SGSM2: variants seen among roughly 807,000 people sequenced by gnomAD.
The protein encoded by SGSM2 is RUN and TBC1 domain containing 1.
SGSM2 carries 89 observed loss-of-function variants against 126.6 expected under a neutral mutation model. That is an observed-to-expected ratio of 0.70 (90% CI 0.59 to 0.84). The LOEUF (loss-of-function observed/expected upper bound fraction) is 0.84, where lower values mean the gene tolerates loss of function less well. SGSM2 is among the 40% of genes least tolerant of loss of function. The probability of loss-of-function intolerance (pLI) is 0.00; values close to 1 mark genes in which losing one functional copy is unlikely to be tolerated. For missense variants in SGSM2, 1,404 were observed against 1,416.6 expected (o/e 0.99, Z 0.14); for synonymous variants, 614 against 574.3 (o/e 1.07, Z -0.99).
At position 2,372,986 on chromosome 17, in the gene SGSM2, T is replaced by C; in HGVS notation, c.1822T>C (p.Tyr608His). Residue 608 changes from tyrosine to histidine, a missense_variant, in exon 16 of 24, where the codon TAC becomes CAC. Coordinates refer to ENST00000268989, the MANE Select transcript of SGSM2 (RefSeq NM_014853.3). This position sits in a 1 kb window ranked among gnomAD's most constrained non-coding sequence, Gnocchi z 6.0. ...YKELELLRQV[Y>H]YGGIEHEIRK... ...AGAGCTGGAGCTGCTGCGGCAAGTT[T>C]ACTACGGAGGCATAGAGCACGAGAT... 6.3e-7 allele frequency: 1 copy of C among 1,582,998 alleles called. No homozygotes were observed. The highest frequency in any genetic ancestry group is 8.6e-7 in the Non-Finnish European group (1 of 1,164,094).
chr17:2,367,200 TAAG>T lies in SGSM2; in HGVS notation c.1289-70_1289-68del, dbSNP rs1192538114. On this transcript the variant is annotated intron_variant, in intron 11 of 23. Transcript: ENST00000268989. The surrounding 1 kb of genome is among the most constrained non-coding windows in gnomAD (Gnocchi z 4.0). ...ACCCCGGCCTCCATTCCACTCCCCT[TAAG>T]GAGGGAGTCCGTCCTGCCCAGGGAT... 2.0e-6 allele frequency: 3 copies of T among 1,510,798 alleles called. No individual in the cohort carries two copies. Among genetic ancestry groups the T allele is most frequent in the Admixed American group, 1.9e-5 (1 of 51,902 alleles). 93.6% of individuals were successfully genotyped at this position (1,510,798 alleles called of 1,614,324 possible).
Position 2,372,052 on chromosome 17 carries a change from C to A in SGSM2, c.1578-138C>A. On this transcript the variant is annotated intron_variant, in intron 13 of 23. Transcript: ENST00000268989. This position sits in a 1 kb window ranked among gnomAD's most constrained non-coding sequence, Gnocchi z 6.0. Reference sequence around the variant, plus strand: ...GCAGGGACAGGGCACCCACTGACGGCTGCTGGGCTGCGGCTCCTCCTCCTC... The same window carrying A: ...GCAGGGACAGGGCACCCACTGACGGATGCTGGGCTGCGGCTCCTCCTCCTC... 1 of 1,012,474 alleles carries A rather than the reference C, an allele frequency of 9.9e-7. No individual in the cohort carries two copies. The highest frequency in any genetic ancestry group is 1.5e-6 in the Non-Finnish European group (1 of 672,740). The allele number at this position is 1,012,474 out of a possible 1,614,324, so 62.7% of individuals were successfully genotyped here.
At chr17:2,349,788 G>GATT (rs138851417) in intron 2 of SGSM2, among the ~76,000 whole-genome samples, 9 of 147,566 alleles carry the variant, frequency 6.1e-5, no homozygotes, top group Non-Finnish European at 7.5e-5. Context: ...CTAGTGAAAT[G>GATT]TTTTGTTTTT....
At chr17:2,371,850 G>GGT (rs1363471558) in intron 13 of SGSM2, 1 of 399,522 alleles carries the variant, frequency 2.5e-6, no homozygotes, top group African/African-American at 2.1e-5. Context: ...TTTTATGGGA[G>GGT]GTGTTCTCTT....
intron 2 of SGSM2, among the ~76,000 whole-genome samples, chr17:2,353,868 C>T (rs2064978953): frequency 6.6e-6 from 1 of 151,976 alleles, no homozygotes; most frequent in African/African-American, 2.4e-5. Flanking sequence ...ACTTTTGTTT[C>T]TCATGCATCC....
At chr17:2,353,534 G>A (rs67887169) in intron 2 of SGSM2, among the ~76,000 whole-genome samples, 68,074 of 151,972 alleles carry the variant, frequency 0.45, 15,514 homozygotes, top group East Asian at 0.64. Flanking sequence ...AGGCTGAGAC[G>A]GGCAGATTGC....
At chr17:2,376,288 G>A (rs2066147034) in intron 19 of SGSM2, 27 bp downstream of exon 19, 1 of 1,602,078 alleles carries the variant, frequency 6.2e-7, no homozygotes, top group African/African-American at 1.4e-5. Context: ...GGCTCAGGGT[G>A]GGAGGCGGGA....
intron 18 of SGSM2, 123 bp from the exon 19 acceptor site, chr17:2,376,014 T>TCC: frequency 1.3e-6 from 2 of 1,525,050 alleles, no homozygotes; most frequent in Admixed American, 3.8e-5. Flanking sequence ...TTTCTCAGCA[T>TCC]CCCCACAGGA....
At chr17:2,376,377 CT>C in intron 19 of SGSM2, 116 bp downstream of exon 19, 1 of 1,379,702 alleles carries the variant, frequency 7.2e-7, no homozygotes, top group Admixed American at 2.1e-5. Context: ...TCACACTTGG[CT>C]CCCCCTGCCT....
At chr17:2,347,607 G>A (rs910626309) in intron 2 of SGSM2, among the ~76,000 whole-genome samples, 5 of 149,454 alleles carry the variant, frequency 3.3e-5, no homozygotes, top group Non-Finnish European at 5.9e-5. Context: ...ATCTCCTGTC[G>A]CCCCCTCCCC....
In SGSM2 at chr17:2,380,948, C is replaced by T. The variant is rs542770580; in HGVS notation, c.*1428C>T. On this transcript the variant is annotated 3_prime_UTR_variant, in exon 24 of 24. Coordinates refer to ENST00000268989, the MANE Select transcript of SGSM2 (RefSeq NM_014853.3). ...ACCAAGCACGTGTGGCCATTGTGTG[C>T]CTGCCTTAGTGACTCCGTGGTTTTG... is the stretch of plus-strand genomic sequence containing the variant. The T allele has an allele frequency of 6.4e-6, 1 of 155,206 alleles. No homozygotes were observed. The highest frequency in any genetic ancestry group is 1.4e-5 in the Non-Finnish European group (1 of 70,130). 9.6% of individuals were successfully genotyped at this position (155,206 alleles called of 1,614,324 possible). A position where few individuals can be genotyped will look rare whatever the true frequency, so the allele number is the denominator to read the frequency against.
chr17:2,344,862 T>G (rs2151482579), intron 2 of SGSM2, among the ~76,000 whole-genome samples: 1 of 152,308 alleles, frequency 6.6e-6, no homozygotes, highest in Non-Finnish European at 1.5e-5. Flanking sequence ...AACAGACTGA[T>G]GATTCCCACC....
chr17:2,369,202 G>A (rs2065742294), intron 12 of SGSM2, among the ~76,000 whole-genome samples: 1 of 152,210 alleles, frequency 6.6e-6, no homozygotes, highest in African/African-American at 2.4e-5. Context: ...ACACTGTTGA[G>A]TCCGTTCTGC....
rs139683790 is a variant in SGSM2 at position 2,367,320 on chromosome 17, C to T, written c.1338C>T (p.Asp446=). 50 of 1,614,138 alleles carry T rather than the reference C, an allele frequency of 3.1e-5. No homozygotes were observed. The African/African-American group carries it at 3.3e-4, about 11-fold the overall frequency. Residue 446 remains aspartate, a synonymous_variant, in exon 12 of 24, where the codon GAC becomes GAT. Coordinates refer to ENST00000268989, the MANE Select transcript of SGSM2 (RefSeq NM_014853.3). This position sits in a 1 kb window ranked among gnomAD's most constrained non-coding sequence, Gnocchi z 4.0. ...HLAASRAASV[D]DDEEEEDKLH... is the part of the protein sequence containing the mutation. Reference sequence around the variant, plus strand: ...CGGCCAGCCGCGCGGCCTCGGTGGACGATGATGAGGAAGAGGAGGATAAAC... The same window carrying T: ...CGGCCAGCCGCGCGGCCTCGGTGGATGATGATGAGGAAGAGGAGGATAAAC...
rs572454642 is a variant in SGSM2 at position 2,380,306 on chromosome 17, C to T, written c.*786C>T. ...CACGTGTAAGAAGTGATGCTTTTGC[C>T]AGTGGATGATCTGGAATGCGACCGG... On this transcript the variant is annotated 3_prime_UTR_variant, in exon 24 of 24. Transcript: ENST00000268989. 1 of 1,535,860 alleles carries T rather than the reference C, an allele frequency of 6.5e-7. No individual in the cohort carries two copies. Among genetic ancestry groups the T allele is most frequent in the South Asian group, 1.2e-5 (1 of 84,064 alleles).
chr17:2,372,680 C>T lies in SGSM2; in HGVS notation c.1788+192C>T, dbSNP rs755150160. On this transcript the variant is annotated intron_variant, in intron 15 of 23. Transcript: ENST00000268989. The surrounding 1 kb of genome is among the most constrained non-coding windows in gnomAD (Gnocchi z 6.0). ...CGGGAAGGGGGCTGGACTGGGAAGC[C>T]GTCCTGCCTCCACATCGCCCTGTGA... is the stretch of plus-strand genomic sequence containing the variant. The T allele has an allele frequency of 8.0e-5, 70 of 871,652 alleles. No homozygotes were observed. Among genetic ancestry groups the T allele is most frequent in the Admixed American group, 1.2e-4 (4 of 34,548 alleles). 54.0% of individuals were successfully genotyped at this position (871,652 alleles called of 1,614,324 possible).
In SGSM2 at chr17:2,372,696, C is replaced by G. The variant is rs574063834; in HGVS notation, c.1788+208C>G. 1.2e-6 allele frequency: 1 copy of G among 814,872 alleles called. No homozygotes were observed. Among genetic ancestry groups the G allele is most frequent in the African/African-American group, 1.7e-5 (1 of 57,190 alleles). 50.5% of individuals were successfully genotyped at this position (814,872 alleles called of 1,614,324 possible). Reference sequence around the variant, plus strand: ...CTGGGAAGCCGTCCTGCCTCCACATCGCCCTGTGACCCTGGACAAAGCTTT... The same window carrying G: ...CTGGGAAGCCGTCCTGCCTCCACATGGCCCTGTGACCCTGGACAAAGCTTT... On this transcript the variant is annotated intron_variant, in intron 15 of 23. Transcript: ENST00000268989. This position sits in a 1 kb window ranked among gnomAD's most constrained non-coding sequence, Gnocchi z 6.0.
At position 2,367,944 on chromosome 17, in the gene SGSM2, C is replaced by T. The variant is rs113902881; in HGVS notation, c.1423+539C>T. ...TCCCAGGAGGCCTGAGGGCCCCAGCCGGCAGGGCCTGGTACTTTGGCATGA... is the reference window on the plus strand; with the variant it reads ...TCCCAGGAGGCCTGAGGGCCCCAGCTGGCAGGGCCTGGTACTTTGGCATGA... On this transcript the variant is annotated intron_variant, in intron 12 of 23. Coordinates refer to ENST00000268989, the MANE Select transcript of SGSM2 (RefSeq NM_014853.3). This position sits in a 1 kb window ranked among gnomAD's most constrained non-coding sequence, Gnocchi z 4.0. 6.6e-3 allele frequency among the ~76,000 whole-genome samples: 1,007 copies of T among 152,328 alleles called. 15 individuals are homozygous for T. Among genetic ancestry groups the T allele is most frequent in the African/African-American group, 0.023 (962 of 41,576 alleles).
chr17:2,353,637 C>T (rs562696955), intron 2 of SGSM2, among the ~76,000 whole-genome samples: 4 of 152,090 alleles, frequency 2.6e-5, no homozygotes, highest in African/African-American at 7.2e-5. Flanking sequence ...TGGTAGTGCA[C>T]GCCTGCAGTC....
Sources: gnomAD v4.1 joint callset for allele counts (sites outside exome capture counted in the v4.1 genomes callset) on GRCh38, gnomAD v4.1.1 for gene constraint, Gnocchi (gnomAD v3.1) non-coding constraint, MANE v1.5 for transcripts, NCBI Gene and HGNC (gene_info 2026-07-23, HGNC 2026-07-21) for gene names.